The following CECR2 variants were observed in gnomAD, a reference collection of about 807,000 sequenced individuals.
CECR2 encodes the protein chromatin remodeling regulator CECR2.
In CECR2, 30 loss-of-function variants were observed where a neutral mutation model predicts 154.5. The observed-to-expected ratio is 0.19, with a 90% confidence interval of 0.15 to 0.26. CECR2 has a LOEUF of 0.26. Ranked by LOEUF, CECR2 falls within the 10% of genes least tolerant of loss-of-function variation. The pLI is 1.00. For synonymous variants in CECR2, 725 were observed against 683.7 expected (o/e 1.06, Z -0.94); for missense variants, 1,743 against 1,829.3 (o/e 0.95, Z 0.86).
intron 1 of CECR2, among the ~76,000 whole-genome samples, chr22:17,397,231 G>C (rs1045942572): frequency 2.0e-5 from 3 of 152,050 alleles, no homozygotes; most frequent in African/African-American, 7.2e-5. Flanking sequence ...CCACCTCCCA[G>C]GTTCAAGCGA....
intron 1 of CECR2, among the ~76,000 whole-genome samples, chr22:17,452,293 C>T (rs185359513): frequency 1.3e-5 from 2 of 152,264 alleles, no homozygotes; most frequent in Admixed American, 6.5e-5. Flanking sequence ...GGGCTGGTCT[C>T]GAGCTCCTGG....
In CECR2 at chr22:17,553,244, G is replaced by T. The variant is rs1017656005; in HGVS notation, c.*404G>T. ...TAAACTCAGGTATATATTTGGGGAA[G>T]GGACTACTCTTAGTATTAATGGTTT... On this transcript the variant is annotated 3_prime_UTR_variant, in exon 19 of 19. Transcript: ENST00000262608. The T allele has an allele frequency of 6.0e-6, 1 of 165,710 alleles. No individual in the cohort carries two copies. The highest frequency in any genetic ancestry group is 1.3e-5 in the Non-Finnish European group (1 of 77,330). 10.3% of individuals were successfully genotyped at this position (165,710 alleles called of 1,614,324 possible).
At chr22:17,538,296 C>G (rs1222196983) in intron 10 of CECR2, among the ~76,000 whole-genome samples, 2 of 152,164 alleles carry the variant, frequency 1.3e-5, no homozygotes, top group African/African-American at 2.4e-5. Flanking sequence ...CAGGCCAACC[C>G]CACATTTTAT....
At chr22:17,395,775 T>G (rs543888807) in intron 1 of CECR2, among the ~76,000 whole-genome samples, 282 of 152,340 alleles carry the variant, frequency 1.9e-3, no homozygotes, top group African/African-American at 6.4e-3. Context: ...TTCCAGATTT[T>G]TTTCCCTTAT....
chr22:17,383,722 C>T (rs1435978727), intron 1 of CECR2, among the ~76,000 whole-genome samples: 1 of 134,116 alleles, frequency 7.5e-6, no homozygotes, highest in East Asian at 2.2e-4. Flanking sequence ...AGCGCAGTGG[C>T]AGTACGCTCT....
At chr22:17,457,381 T>G (rs1265418884) in intron 1 of CECR2, among the ~76,000 whole-genome samples, 1 of 152,196 alleles carries the variant, frequency 6.6e-6, no homozygotes, top group African/African-American at 2.4e-5. Flanking sequence ...ACTAATAGGG[T>G]CTTGGAATCT....
intron 1 of CECR2, among the ~76,000 whole-genome samples, chr22:17,439,652 C>T (rs1438941987): frequency 6.6e-6 from 1 of 152,098 alleles, no homozygotes; most frequent in Non-Finnish European, 1.5e-5. Context: ...GACTGATCAG[C>T]CTTTTTGAAA....
At chr22:17,484,488 C>T (rs1443702983) in intron 2 of CECR2, among the ~76,000 whole-genome samples, 2 of 152,132 alleles carry the variant, frequency 1.3e-5, no homozygotes, top group Non-Finnish European at 2.9e-5. Context: ...GTATCATTTT[C>T]ACCTGCCAGG....
chr22:17,414,738 C>T (rs2054131461), intron 1 of CECR2, among the ~76,000 whole-genome samples: 2 of 151,740 alleles, frequency 1.3e-5, no homozygotes, highest in African/African-American at 4.8e-5. Flanking sequence ...TTGTTCATTT[C>T]CCACCTGTGC....
intron 1 of CECR2, among the ~76,000 whole-genome samples, chr22:17,387,598 A>G (rs1336281951): frequency 1.3e-5 from 2 of 152,182 alleles, no homozygotes. Flanking sequence ...CAAAGAGCCT[A>G]ACACTTCCTC....
chr22:17,520,129 G>A (rs174306), intron 8 of CECR2, among the ~76,000 whole-genome samples: 102,219 of 152,078 alleles, frequency 0.67, 35,084 homozygotes, highest in African/African-American at 0.82. Context: ...ACAATTTCAT[G>A]AGTAATTGGC....
intron 2 of CECR2, among the ~76,000 whole-genome samples, chr22:17,486,721 T>C (rs2055427238): frequency 6.6e-6 from 1 of 152,206 alleles, no homozygotes; most frequent in Non-Finnish European, 1.5e-5. Context: ...CAAATAAGGA[T>C]ACATATATAT....
intron 1 of CECR2, among the ~76,000 whole-genome samples, chr22:17,371,899 T>A (rs779344741): frequency 1.4e-4 from 22 of 152,244 alleles, no homozygotes; most frequent in Admixed American, 4.6e-4. Context: ...ATAACTTGTC[T>A]TCTGTTATAA....
intron 1 of CECR2, among the ~76,000 whole-genome samples, chr22:17,361,092 G>GTT (rs2062974596): frequency 6.6e-6 from 1 of 152,166 alleles, no homozygotes; most frequent in Admixed American, 6.6e-5. Flanking sequence ...GAGCCCACGA[G>GTT]GTGGAGGTTG....
intron 1 of CECR2, among the ~76,000 whole-genome samples, chr22:17,437,342 C>A (rs530725272): frequency 6.6e-6 from 1 of 152,072 alleles, no homozygotes; most frequent in African/African-American, 2.4e-5. Flanking sequence ...CAGTTTGTTT[C>A]GTCCCTTTGT....
intron 2 of CECR2, among the ~76,000 whole-genome samples, chr22:17,484,014 G>C (rs1174544461): frequency 6.6e-6 from 1 of 152,206 alleles, no homozygotes; most frequent in Non-Finnish European, 1.5e-5. Context: ...ATTCAGTACA[G>C]TCAGGTGCAG....
intron 2 of CECR2, among the ~76,000 whole-genome samples, chr22:17,493,399 A>G (rs761190602): frequency 6.6e-6 from 1 of 152,236 alleles, no homozygotes; most frequent in Non-Finnish European, 1.5e-5. Flanking sequence ...ATGAAGAACC[A>G]GTAAGTCAAA....
At chr22:17,394,883 CTTG>C (rs527851808) in intron 1 of CECR2, among the ~76,000 whole-genome samples, 100 of 152,090 alleles carry the variant, frequency 6.6e-4, no homozygotes, top group African/African-American at 1.7e-3. Context: ...TTATTTTGAT[CTTG>C]TTGTGAATAG....
intron 1 of CECR2, among the ~76,000 whole-genome samples, chr22:17,435,621 T>C (rs2054491758): frequency 6.7e-6 from 1 of 149,420 alleles, no homozygotes; most frequent in Admixed American, 6.7e-5. Context: ...GTGAAAATTC[T>C]GGACAGGCCA....
Sources: gnomAD v4.1 joint callset for allele counts (sites outside exome capture counted in the v4.1 genomes callset) on GRCh38, gnomAD v4.1.1 for gene constraint, MANE v1.5 for transcripts, NCBI Gene and HGNC (gene_info 2026-07-23, HGNC 2026-07-21) for gene names.